Variants in SPNS3 observed in about 807,000 individuals in gnomAD.
SPNS3 encodes the protein protein spinster homolog 3.
Under a neutral mutation model 54.4 loss-of-function variants are expected in SPNS3, and 51 were observed. The ratio of observed to expected loss-of-function variants is 0.94; its 90% CI spans 0.75 to 1.18. SPNS3 has a LOEUF of 1.18. Ranked by LOEUF, SPNS3 falls within the 50% of genes most tolerant of loss-of-function variation. The pLI is 0.00. For missense variants in SPNS3, 669 were observed against 677.4 expected (o/e 0.99, Z 0.14); for synonymous variants, 309 against 294.7 (o/e 1.05, Z -0.50).
chr17:4,441,260 C>T (rs1026435500), intron 2 of SPNS3, among the ~76,000 whole-genome samples: 6 of 152,104 alleles, frequency 3.9e-5, no homozygotes, highest in Non-Finnish European at 7.3e-5. Flanking sequence ...CAGTGGCTCA[C>T]GCCTGTAATC....
chr17:4,449,747 G>T (rs1428665620), intron 7 of SPNS3, among the ~76,000 whole-genome samples: 1 of 151,974 alleles, frequency 6.6e-6, no homozygotes, highest in African/African-American at 2.4e-5. Context: ...GGGGCCTGTA[G>T]CGTCTTCTGT....
chr17:4,466,251 A>C (rs1971672041), intron 8 of SPNS3, among the ~76,000 whole-genome samples: 2 of 152,224 alleles, frequency 1.3e-5, no homozygotes, highest in Admixed American at 1.3e-4. Flanking sequence ...ATGGAAAATC[A>C]ACACCATAGG....
intron 8 of SPNS3, among the ~76,000 whole-genome samples, chr17:4,471,401 C>T (rs529532343): frequency 6.6e-6 from 1 of 152,284 alleles, no homozygotes; most frequent in East Asian, 1.9e-4. Flanking sequence ...ACCCCTTGTC[C>T]CCCAAAAGGC....
At chr17:4,439,862 G>T (rs1597301039) in intron 2 of SPNS3, 139 bp downstream of exon 2, 2 of 738,110 alleles carry the variant, frequency 2.7e-6, no homozygotes, top group East Asian at 5.4e-5. Flanking sequence ...TGGGCCTGAG[G>T]GACAGTCTAG....
Position 4,440,461 on chromosome 17 carries a change from T to C in SPNS3, c.265+738T>C, listed in dbSNP as rs1055439481. On this transcript the variant is annotated intron_variant, in intron 2 of 11. Coordinates refer to ENST00000355530, the MANE Select transcript of SPNS3 (RefSeq NM_182538.5). ...TGGCTCTTAAACCGGGGTACAGGGA[T>C]CCCTGGGGATACACAGTCACTTTCC... Among the ~76,000 whole-genome samples the C allele has an allele frequency of 2.6e-5, 4 of 152,242 alleles. No individual in the cohort carries two copies. The East Asian group carries it at 7.7e-4, about 29-fold the overall frequency.
chr17:4,482,795 C>T (rs1023048354), intron 9 of SPNS3, among the ~76,000 whole-genome samples: 5 of 152,196 alleles, frequency 3.3e-5, no homozygotes, highest in African/African-American at 7.2e-5. Context: ...TGTCTGTCCC[C>T]GCCCCACTCA....
At chr17:4,479,249 C>T (rs1972094664) in intron 9 of SPNS3, among the ~76,000 whole-genome samples, 1 of 152,228 alleles carries the variant, frequency 6.6e-6, no homozygotes, top group Non-Finnish European at 1.5e-5. Context: ...CCCCTCCCTC[C>T]TTCTTTCTGT....
intron 4 of SPNS3, chr17:4,446,569 AGGACCCT>A (rs550014102): frequency 5.5e-4 from 289 of 523,592 alleles, no homozygotes; most frequent in African/African-American, 5.1e-3. Flanking sequence ...ATTTGCAATC[AGGACCCT>A]GGCCTCTGAC....
intron 3 of SPNS3, among the ~76,000 whole-genome samples, chr17:4,445,729 C>T (rs976989140): frequency 1.3e-5 from 2 of 152,018 alleles, no homozygotes; most frequent in South Asian, 2.1e-4. Context: ...CTCTCACTGC[C>T]GCACCAGCTT....
chr17:4,445,961 C>T (rs1970974004), intron 3 of SPNS3, 87 bp from the exon 4 acceptor site: 6 of 1,475,188 alleles, frequency 4.1e-6, no homozygotes, highest in Admixed American at 4.1e-5. Flanking sequence ...GTCATGAGGT[C>T]CCCTTGGCTC....
Position 4,444,922 on chromosome 17 carries a change from A to G in SPNS3, c.266-110A>G, listed in dbSNP as rs74617658. 6,163 of 1,334,258 alleles carry G rather than the reference A, an allele frequency of 4.6e-3. 191 individuals are homozygous for G. In the African/African-American group the frequency reaches 0.064, roughly 14 times the overall value. 82.7% of individuals were successfully genotyped at this position (1,334,258 alleles called of 1,614,324 possible). ...TTCCTCATACCCTGGGCCCACTGCC[A>G]AGATGCCAGCTTGTGGCATCTGAGT... On this transcript the variant is annotated intron_variant, in intron 2 of 11. Transcript: ENST00000355530.
At chr17:4,459,854 G>A (rs1971448855) in intron 8 of SPNS3, among the ~76,000 whole-genome samples, 2 of 152,202 alleles carry the variant, frequency 1.3e-5, no homozygotes, top group South Asian at 2.1e-4. Context: ...GAATTTTATT[G>A]TAAAATTCAG....
At chr17:4,462,824 TCC>T (rs1971569360) in intron 8 of SPNS3, among the ~76,000 whole-genome samples, 1 of 132,516 alleles carries the variant, frequency 7.5e-6, no homozygotes, top group Non-Finnish European at 1.6e-5. Context: ...CATCCATCCA[TCC>T]ATCCATCCAT....
At chr17:4,473,300 C>T (rs1484942132) in intron 8 of SPNS3, among the ~76,000 whole-genome samples, 1 of 151,884 alleles carries the variant, frequency 6.6e-6, no homozygotes, top group Non-Finnish European at 1.5e-5. Flanking sequence ...CCTCCTTGCC[C>T]AAGGAGAGAT....
intron 2 of SPNS3, among the ~76,000 whole-genome samples, chr17:4,442,854 T>C (rs1173670932): frequency 6.6e-6 from 1 of 152,152 alleles, no homozygotes; most frequent in African/African-American, 2.4e-5. Flanking sequence ...CTCCAGAGTC[T>C]GTCTTTTAAC....
chr17:4,434,224 C>A (rs1970657580), intron 1 of SPNS3, 58 bp downstream of exon 1: 1 of 1,494,660 alleles, frequency 6.7e-7, no homozygotes. Context: ...CAGCCAGGGG[C>A]TGCAGATCCA....
intron 2 of SPNS3, among the ~76,000 whole-genome samples, chr17:4,441,510 T>G (rs559979015): frequency 6.6e-6 from 1 of 152,342 alleles, no homozygotes; most frequent in Non-Finnish European, 1.5e-5. Context: ...GTGGCCAAAG[T>G]GAGACCATCT....
At chr17:4,441,339 A>G (rs1365660514) in intron 2 of SPNS3, among the ~76,000 whole-genome samples, 2 of 152,134 alleles carry the variant, frequency 1.3e-5, no homozygotes, top group Non-Finnish European at 2.9e-5. Context: ...CTTGGGCAAT[A>G]TAGTGAGACC....
Position 4,483,291 on chromosome 17 carries a change from A to T in SPNS3, c.1180-2937A>T, listed in dbSNP as rs1972221622. ...TCTAAGAAGGGAGAGCCAGAAACAG[A>T]GGTGTTTTTGTCTCAGAATAGAGTG... On this transcript the variant is annotated intron_variant, in intron 9 of 11. Transcript: ENST00000355530. This position sits in a 1 kb window ranked among gnomAD's most constrained non-coding sequence, Gnocchi z 4.2. 6.6e-6 allele frequency among the ~76,000 whole-genome samples: 1 copy of T among 152,146 alleles called. No individual in the cohort carries two copies. Among genetic ancestry groups the T allele is most frequent in the South Asian group, 2.1e-4 (1 of 4,834 alleles).
Sources: gnomAD v4.1 joint callset for allele counts (sites outside exome capture counted in the v4.1 genomes callset) on GRCh38, gnomAD v4.1.1 for gene constraint, Gnocchi (gnomAD v3.1) non-coding constraint, MANE v1.5 for transcripts, NCBI Gene and HGNC (gene_info 2026-07-23, HGNC 2026-07-21) for gene names.